Variants in MAX observed in about 807,000 individuals in gnomAD.
MAX encodes the protein MYC associated transcriptional regulator X.
MAX carries 3 observed loss-of-function variants against 22.3 expected under a neutral mutation model. The observed-to-expected ratio is 0.13, with a 90% CI of 0.06 to 0.35. The LOEUF (loss-of-function observed/expected upper bound fraction) is 0.35, where lower values mean the gene tolerates loss of function less well. MAX is among the 10% of genes least tolerant of loss of function. The pLI is 1.00. For missense variants in MAX, 119 were observed against 209.4 expected, an observed-to-expected ratio of 0.57 and a Z score of 2.66; for synonymous variants, 72 against 77.7, an observed-to-expected ratio of 0.93 and a Z score of 0.39.
Position 65,038,343 on chromosome 14 carries a change from G to A in MAX, c.172-32059C>T, listed in dbSNP as rs187159859. ...GAGAATTGCTTGAACCCAGGAGGCA[G>A]AGGTTGCAGTGAGCCGAGATCGCAC... On this transcript the variant is annotated intron_variant, in intron 3 of 3. Coordinates refer to the MAX transcript ENST00000341653. Among the ~76,000 whole-genome samples, 254 of 152,026 alleles carry A rather than the reference G, an allele frequency of 1.7e-3. 1 individual carries two copies. The highest frequency in any genetic ancestry group is 6.0e-3 in the African/African-American group (249 of 41,450).
chr14:65,059,823 T>G (rs930447491), intron 3 of MAX, among the ~76,000 whole-genome samples: 1 of 149,146 alleles, frequency 6.7e-6, no homozygotes, highest in Non-Finnish European at 1.5e-5. Context: ...ATATTAGGGT[T>G]GTGGTCCTTT....
downstream of MAX, among the ~76,000 whole-genome samples, chr14:65,071,370 C>T (rs1188964660): frequency 6.6e-6 from 1 of 152,162 alleles, no homozygotes; most frequent in Non-Finnish European, 1.5e-5. This position sits in a 1 kb window ranked among gnomAD's most constrained non-coding sequence, Gnocchi z 4.2. Context: ...TCTCAAACTC[C>T]TGACCTCAAG....
At chr14:65,085,120 T>C (rs920880992) in intron 3 of MAX, among the ~76,000 whole-genome samples, 4 of 152,210 alleles carry the variant, frequency 2.6e-5, no homozygotes, top group Non-Finnish European at 1.5e-5. Context: ...AATAAATAAT[T>C]TTAAATATAT....
Position 65,076,660 on chromosome 14 carries a change from C to T in MAX, c.299G>A (p.Arg100His), listed in dbSNP as rs776978293. The change falls in exon 5 of 5, where the codon CGT (arginine) becomes CAT (histidine). Residue 100 changes from arginine (R) to histidine (H), a missense_variant. This residue lies in a region of MAX where 95 missense variants were observed against 148.1 expected (regional missense o/e 0.64). Coordinates refer to ENST00000358664, the MANE Select transcript of MAX (RefSeq NM_002382.5). The surrounding 1 kb of genome is among the most constrained non-coding windows in gnomAD (Gnocchi z 6.6). ...RQNALLEQQV[R>H]ALEKARSSAQ... Reference sequence around the variant, plus strand: ...ACTTGACCTCGCCTTCTCCAGTGCACGGACTAAAAGGCAACCAAGGGAGTG... The same window carrying T: ...ACTTGACCTCGCCTTCTCCAGTGCATGGACTAAAAGGCAACCAAGGGAGTG... 12 of 1,614,036 alleles carry T rather than the reference C, an allele frequency of 7.4e-6. No individual in the cohort carries two copies. Among genetic ancestry groups the T allele is most frequent in the Admixed American group, 1.7e-5 (1 of 60,006 alleles).
Position 65,060,188 on chromosome 14 carries a change from A to T in MAX, c.171+33520T>A, listed in dbSNP as rs1314152670. Among the ~76,000 whole-genome samples the T allele has an allele frequency of 2.6e-5, 4 of 152,210 alleles. No individual in the cohort carries two copies. In the East Asian group the frequency reaches 7.7e-4, roughly 29 times the overall value. On this transcript the variant is annotated intron_variant, in intron 3 of 3. Transcript: ENST00000341653. ...TGTTTATTGTTTTAATAATTGGGATACATAAAATATAAAAAAGAAAATGAA... is the reference window on the plus strand; with the variant it reads ...TGTTTATTGTTTTAATAATTGGGATTCATAAAATATAAAAAAGAAAATGAA...
chr14:65,058,345 T>C (rs972815805), intron 3 of MAX, among the ~76,000 whole-genome samples: 6 of 152,140 alleles, frequency 3.9e-5, no homozygotes, highest in Non-Finnish European at 2.9e-5. Context: ...GTTTTGTAAC[T>C]GTTTGTTACT....
At position 65,075,528 on chromosome 14, in the gene MAX, A is replaced by G; in HGVS notation, c.*948T>C. The G allele has an allele frequency of 1.0e-5, 11 of 1,065,500 alleles. No individual in the cohort carries two copies. Among genetic ancestry groups the G allele is most frequent in the Non-Finnish European group, 1.3e-5 (11 of 879,130 alleles). The allele number at this position is 1,065,500 out of a possible 1,614,324, so 66.0% of individuals were successfully genotyped here. A position where few individuals can be genotyped will look rare whatever the true frequency, so the allele number is the denominator to read the frequency against. ...TCAGTTGGCTCTATTTCTTAGAAAT[A>G]CACACGGGAAGAAAGAAAGATTTCA... On this transcript the variant is annotated 3_prime_UTR_variant, in exon 5 of 5. Coordinates refer to ENST00000358664, the MANE Select transcript of MAX (RefSeq NM_002382.5). The surrounding 1 kb of genome is among the most constrained non-coding windows in gnomAD (Gnocchi z 4.1).
At chr14:65,033,036 T>C (rs2062115947) in intron 3 of MAX, among the ~76,000 whole-genome samples, 1 of 152,152 alleles carries the variant, frequency 6.6e-6, no homozygotes, top group Non-Finnish European at 1.5e-5. Context: ...CAGAAACCCT[T>C]GCACACACGA....
At chr14:65,056,535 T>C (rs1377916781) in intron 3 of MAX, among the ~76,000 whole-genome samples, 2 of 152,154 alleles carry the variant, frequency 1.3e-5, no homozygotes, top group African/African-American at 4.8e-5. Flanking sequence ...TTGATGGGTG[T>C]GAAGTGGTAT....
chr14:65,006,114 G>A (rs1223073664), downstream of MAX: 1 of 1,592,762 alleles, frequency 6.3e-7, no homozygotes, highest in African/African-American at 1.4e-5. Flanking sequence ...CTGCTTACTG[G>A]AACATTATAA....
intron 3 of MAX, among the ~76,000 whole-genome samples, chr14:65,065,960 G>A (rs1428481504): frequency 1.3e-5 from 2 of 152,206 alleles, no homozygotes; most frequent in Non-Finnish European, 2.9e-5. Flanking sequence ...TCAAGTGGTG[G>A]TGCCTGAGCC....
chr14:65,032,469 G>A lies in MAX; in HGVS notation c.172-26185C>T, dbSNP rs1234862236. The A allele has an allele frequency of 5.4e-5, 41 of 756,278 alleles. No individual in the cohort carries two copies. In the Middle Eastern group the frequency reaches 1.1e-3, roughly 20 times the overall value. The allele number at this position is 756,278 out of a possible 1,614,324, so 46.8% of individuals were successfully genotyped here. A position where few individuals can be genotyped will look rare whatever the true frequency, so the allele number is the denominator to read the frequency against. ...TCACACCTCTCAGTTGGAGACCCAGGAGGACTGACCGTGTGCCAAGAGTGA... is the reference window on the plus strand; with the variant it reads ...TCACACCTCTCAGTTGGAGACCCAGAAGGACTGACCGTGTGCCAAGAGTGA... On this transcript the variant is annotated intron_variant, in intron 3 of 3. Transcript: ENST00000341653. The surrounding 1 kb of genome is among the most constrained non-coding windows in gnomAD (Gnocchi z 5.0).
At position 65,044,663 on chromosome 14, in the gene MAX, C is replaced by T. The variant is rs574024095; in HGVS notation, c.172-38379G>A. 33 of 693,912 alleles carry T rather than the reference C, an allele frequency of 4.8e-5. No homozygotes were observed. In the Admixed American group the frequency reaches 7.7e-4, roughly 16 times the overall value. The allele number at this position is 693,912 out of a possible 1,614,324, so 43.0% of individuals were successfully genotyped here. A position where few individuals can be genotyped will look rare whatever the true frequency, so the allele number is the denominator to read the frequency against. ...ATTCTTTGCTTCTTCAAATTGGCTG[C>T]GACAGAATGAGCTTCCTTGAAATTG... On this transcript the variant is annotated intron_variant, in intron 3 of 3. Transcript: ENST00000341653. The surrounding 1 kb of genome is among the most constrained non-coding windows in gnomAD (Gnocchi z 5.5).
At chr14:65,102,680 A>G (rs543024961), upstream of MAX, 575 of 659,010 alleles carry the variant, frequency 8.7e-4, 13 homozygotes, top group South Asian at 0.03. Context: ...CATCCAGGCG[A>G]CGCCAGCCCG....
At chr14:65,070,575 C>T (rs898231893), downstream of MAX, among the ~76,000 whole-genome samples, 7 of 152,210 alleles carry the variant, frequency 4.6e-5, 1 homozygote, top group African/African-American at 1.4e-4. This position sits in a 1 kb window ranked among gnomAD's most constrained non-coding sequence, Gnocchi z 4.4. Flanking sequence ...TTGTCCAAGG[C>T]CACCTGCTCG....
At chr14:65,053,624 T>G (rs2062661285) in intron 3 of MAX, among the ~76,000 whole-genome samples, 1 of 119,584 alleles carries the variant, frequency 8.4e-6, no homozygotes, top group African/African-American at 5.4e-5. Context: ...TCTTCTTTTT[T>G]TTAAAAAAAA....
intron 2 of MAX, among the ~76,000 whole-genome samples, chr14:65,096,623 G>A (rs1318650405): frequency 6.6e-6 from 1 of 151,962 alleles, no homozygotes; most frequent in Non-Finnish European, 1.5e-5. Flanking sequence ...TTTTGAGAGG[G>A]CCAAGATTTC....
At chr14:65,040,801 G>A in intron 3 of MAX, 3 of 1,613,140 alleles carry the variant, frequency 1.9e-6, no homozygotes, top group Non-Finnish European at 2.5e-6. Flanking sequence ...TGTCAGAACT[G>A]GGAAGGTGGC....
downstream of MAX, among the ~76,000 whole-genome samples, chr14:65,073,625 G>C (rs1283703580): frequency 2.0e-5 from 3 of 152,202 alleles, no homozygotes; most frequent in South Asian, 2.1e-4. Flanking sequence ...ATAAACCAGA[G>C]ATTACCATTA....
Sources: gnomAD v4.1 joint callset for allele counts (sites outside exome capture counted in the v4.1 genomes callset) on GRCh38, gnomAD v4.1.1 for gene constraint, gnomAD v4.1.1 regional missense constraint, Gnocchi (gnomAD v3.1) non-coding constraint, MANE v1.5 for transcripts, NCBI Gene and HGNC (gene_info 2026-07-23, HGNC 2026-07-21) for gene names.